The following ATAT1 variants were observed in gnomAD, a reference collection of about 807,000 sequenced individuals.
ATAT1 encodes alpha-tubulin N-acetyltransferase 1.
A neutral mutation model predicts 57.2 loss-of-function variants in ATAT1; 42 were observed. That is an observed-to-expected ratio of 0.73 (90% CI 0.57 to 0.95). The LOEUF is 0.95. ATAT1 is among the 40% of genes least tolerant of loss of function. The pLI is 0.00. For synonymous variants in ATAT1, 168 were observed against 187.1 expected, an observed-to-expected ratio of 0.90 and a Z score of 0.83; for missense variants, 454 against 523.7, an observed-to-expected ratio of 0.87 and a Z score of 1.30.
intron 6 of ATAT1, among the ~76,000 whole-genome samples, chr6:30,629,511 C>G (rs561327153): frequency 2.0e-4 from 31 of 152,080 alleles, no homozygotes; most frequent in African/African-American, 7.0e-4. Flanking sequence ...CCCAAAAGTG[C>G]TGGGATTACA....
intron 12 of ATAT1, 77 bp from the exon 13 acceptor site, chr6:30,646,392 G>A (rs975777666): frequency 1.3e-5 from 19 of 1,453,582 alleles, no homozygotes; most frequent in Non-Finnish European, 1.7e-5. Context: ...AACCTGGCCC[G>A]AGACCTTGAA....
intron 10 of ATAT1, among the ~76,000 whole-genome samples, chr6:30,645,115 A>G (rs1766415442): frequency 6.6e-6 from 1 of 152,180 alleles, no homozygotes; most frequent in South Asian, 2.1e-4. Context: ...CTCCATTGAG[A>G]GTGCAACACA....
Position 30,627,202 on chromosome 6 carries a change from G to A in ATAT1, c.-2G>A. ...CCGGGCCCAAAATGTCCCAATCAAAGGATGTGGTTGACCTGGCCTTTCTGC... is the reference window on the plus strand; with the variant it reads ...CCGGGCCCAAAATGTCCCAATCAAAAGATGTGGTTGACCTGGCCTTTCTGC... On this transcript the variant is annotated 5_prime_UTR_variant, in exon 1 of 13. Transcript: ENST00000330083. 1 of 1,613,990 alleles carries A rather than the reference G, an allele frequency of 6.2e-7. No homozygotes were observed.
At chr6:30,644,199 T>TG in intron 10 of ATAT1, 2 of 985,888 alleles carry the variant, frequency 2.0e-6, no homozygotes, top group Non-Finnish European at 2.4e-6. Flanking sequence ...GGTGTTGCTT[T>TG]GGGGTCTCTA....
At position 30,646,786 on chromosome 6, in the gene ATAT1, T is replaced by C. The variant is rs1167486846; in HGVS notation, c.*143T>C. On this transcript the variant is annotated 3_prime_UTR_variant, in exon 13 of 13. Transcript: ENST00000330083. ...TCAGATTCAAGTCATTTGTATCTTT[T>C]AACCAGACCAATAAAAGTATTTATT... 7.9e-7 allele frequency: 1 copy of C among 1,270,754 alleles called. No individual in the cohort carries two copies. Among genetic ancestry groups the C allele is most frequent in the Non-Finnish European group, 1.0e-6 (1 of 960,398 alleles). 78.7% of individuals were successfully genotyped at this position (1,270,754 alleles called of 1,614,324 possible).
intron 6 of ATAT1, among the ~76,000 whole-genome samples, chr6:30,631,472 C>A (rs1762859475): frequency 6.6e-6 from 1 of 151,290 alleles, no homozygotes; most frequent in South Asian, 2.1e-4. Context: ...GAGACTCCAT[C>A]TCAAAAAAAA....
intron 8 of ATAT1, 189 bp from the exon 9 acceptor site, chr6:30,641,985 AAC>A: frequency 1.4e-6 from 2 of 1,446,186 alleles, no homozygotes; most frequent in Non-Finnish European, 1.8e-6. Flanking sequence ...GGCTTTCCTC[AAC>A]AGTGTTCCAC....
chr6:30,642,832 A>ACTCCC lies in ATAT1; in HGVS notation c.753_754insCTCCC (p.Ala252LeufsTer69). On this transcript the variant is annotated frameshift_variant, in exon 10 of 13. Coordinates refer to ENST00000330083, the MANE Select transcript of ATAT1 (RefSeq NM_001031722.4). LOFTEE classifies it high-confidence loss of function. The stretch of plus-strand genomic sequence containing the variant: ...GGGCCCCTCGCCGCGCCACACCTCC[A>ACTCCC]GCCCACCCACCCCCCCGCTCCAGCA... 1 of 1,230,750 alleles carries ACTCCC rather than the reference A, an allele frequency of 8.1e-7. No homozygotes were observed. Among genetic ancestry groups the ACTCCC allele is most frequent in the Non-Finnish European group, 1.1e-6 (1 of 892,690 alleles). The allele number at this position is 1,230,750 out of a possible 1,614,324, so 76.2% of individuals were successfully genotyped here.
intron 10 of ATAT1, chr6:30,643,396 C>T (rs1285698475): frequency 4.1e-6 from 6 of 1,481,476 alleles, no homozygotes; most frequent in Admixed American, 2.2e-5. Flanking sequence ...AAGAGTCCAT[C>T]GCAGCAGGCA....
intron 10 of ATAT1, chr6:30,643,579 G>T (rs750877300): frequency 6.5e-7 from 1 of 1,550,208 alleles, no homozygotes; most frequent in African/African-American, 1.4e-5. Context: ...CCCTCTCCCT[G>T]CCCTGGGAGA....
intron 6 of ATAT1, among the ~76,000 whole-genome samples, chr6:30,629,914 C>T (rs1356418187): frequency 1.3e-5 from 2 of 152,162 alleles, no homozygotes; most frequent in African/African-American, 4.8e-5. Context: ...TAGTTCATTA[C>T]TCATCTGGTC....
intron 6 of ATAT1, among the ~76,000 whole-genome samples, chr6:30,632,462 C>T (rs1763109915): frequency 1.3e-5 from 2 of 151,238 alleles, no homozygotes. Flanking sequence ...GCCCCAGCTA[C>T]TTGGGAGGCT....
At chr6:30,645,755 T>C in intron 10 of ATAT1, 140 bp from the exon 11 acceptor site, 3 of 620,842 alleles carry the variant, frequency 4.8e-6, no homozygotes, top group Non-Finnish European at 7.8e-6. Flanking sequence ...ACAGCTTTGA[T>C]TAAAACCTGT....
At chr6:30,644,369 T>C (rs1766203899) in intron 10 of ATAT1, 11 of 985,758 alleles carry the variant, frequency 1.1e-5, no homozygotes, top group Non-Finnish European at 1.3e-5. Context: ...ACTCCTGTCT[T>C]GTGAGATTGT....
intron 12 of ATAT1, 142 bp from the exon 13 acceptor site, chr6:30,646,327 T>C: frequency 6.9e-7 from 1 of 1,447,116 alleles, no homozygotes; most frequent in Non-Finnish European, 9.1e-7. Flanking sequence ...AGGTTTTAAA[T>C]TTGGACATAG....
intron 8 of ATAT1, among the ~76,000 whole-genome samples, chr6:30,641,108 T>TACAC (rs758048769): frequency 0.017 from 2,425 of 146,776 alleles, 24 homozygotes; most frequent in Middle Eastern, 0.038. Flanking sequence ...CCATCCCATA[T>TACAC]ACACACATAC....
At chr6:30,632,138 G>T (rs1437410462) in intron 6 of ATAT1, among the ~76,000 whole-genome samples, 1 of 151,678 alleles carries the variant, frequency 6.6e-6, no homozygotes, top group Non-Finnish European at 1.5e-5. Context: ...GTGATGGCAG[G>T]TGCCTGTAAT....
Position 30,643,002 on chromosome 6 carries a change from G to A in ATAT1, c.923G>A (p.Arg308His), listed in dbSNP as rs199804533. 92 of 1,612,460 alleles carry A rather than the reference G, an allele frequency of 5.7e-5. No individual in the cohort carries two copies. The East Asian group carries it at 6.7e-4, about 12-fold the overall frequency. Reference sequence around the variant, plus strand: ...CCTGGGGGCAGCCCAGCTCAACGTCGTCGCACCAGGTAATAGGAGTTGAAG... The same window carrying A: ...CCTGGGGGCAGCCCAGCTCAACGTCATCGCACCAGGTAATAGGAGTTGAAG... Residue 308 changes from arginine to histidine, a missense_variant, in exon 10 of 13, where the codon CGT (arginine) becomes CAT (histidine). Around this residue, in one of 3 missense-constraint regions of ATAT1, gnomAD observed 216 missense variants for 222.2 expected, o/e 0.97. Coordinates refer to ENST00000330083, the MANE Select transcript of ATAT1 (RefSeq NM_001031722.4).
At position 30,642,833 on chromosome 6, in the gene ATAT1, G is replaced by GGGGGCGCCCCCCCCCCC; in HGVS notation, c.754_755insGGGGCGCCCCCCCCCCC (p.Ala252GlyfsTer73). 6.5e-7 allele frequency: 1 copy of GGGGGCGCCCCCCCCCCC among 1,537,876 alleles called. No homozygotes were observed. The highest frequency in any genetic ancestry group is 8.7e-7 in the Non-Finnish European group (1 of 1,145,782). ...GGCCCCTCGCCGCGCCACACCTCCA[G>GGGGGCGCCCCCCCCCCC]CCCACCCACCCCCCCGCTCCAGCAG... On this transcript the variant is annotated frameshift_variant, in exon 10 of 13. Coordinates refer to ENST00000330083, the MANE Select transcript of ATAT1 (RefSeq NM_001031722.4). LOFTEE classifies it high-confidence loss of function.
Sources: gnomAD v4.1 joint callset for allele counts (sites outside exome capture counted in the v4.1 genomes callset) on GRCh38, gnomAD v4.1.1 for gene constraint, gnomAD v4.1.1 regional missense constraint, MANE v1.5 for transcripts, NCBI Gene and HGNC (gene_info 2026-07-23, HGNC 2026-07-21) for gene names.